ALX4: variants seen among roughly 807,000 people sequenced by gnomAD.
The protein encoded by ALX4 is ALX homeobox 4, also known as homeobox protein aristaless-like 4.
In ALX4, 22 loss-of-function variants were observed where a neutral mutation model predicts 40.6. That is an observed-to-expected ratio of 0.54 (90% CI 0.39 to 0.77). The LOEUF is 0.77. ALX4 is among the 30% of genes least tolerant of loss of function. The probability of loss-of-function intolerance (pLI) is 0.00; values close to 1 mark genes in which losing one functional copy is unlikely to be tolerated. For missense variants in ALX4, 556 were observed against 564.8 expected (o/e 0.98, Z 0.16); for synonymous variants, 266 against 240.5 (o/e 1.11, Z -0.98).
At chr11:44,286,982 G>A (rs755391327) in intron 1 of ALX4, among the ~76,000 whole-genome samples, 1 of 152,190 alleles carries the variant, frequency 6.6e-6, no homozygotes, top group Non-Finnish European at 1.5e-5. Flanking sequence ...TCAGGAAACT[G>A]ACTAACTTGC....
chr11:44,265,919 G>A (rs1956211127), intron 3 of ALX4, among the ~76,000 whole-genome samples: 1 of 152,172 alleles, frequency 6.6e-6, no homozygotes, highest in African/African-American at 2.4e-5. Flanking sequence ...TTCACCTGGG[G>A]CTCCCATCTT....
At chr11:44,273,429 C>T (rs1157216436) in intron 2 of ALX4, among the ~76,000 whole-genome samples, 1 of 152,096 alleles carries the variant, frequency 6.6e-6, no homozygotes, top group African/African-American at 2.4e-5. Flanking sequence ...TCTTTCTGAT[C>T]CTTTCTTTGC....
chr11:44,282,573 C>T (rs1050477069), intron 1 of ALX4, among the ~76,000 whole-genome samples: 5 of 152,182 alleles, frequency 3.3e-5, no homozygotes, highest in African/African-American at 1.2e-4. Context: ...TGGAGACACC[C>T]CCAAGTGTCC....
At chr11:44,284,117 A>C (rs2119832436) in intron 1 of ALX4, among the ~76,000 whole-genome samples, 1 of 152,296 alleles carries the variant, frequency 6.6e-6, no homozygotes, top group South Asian at 2.1e-4. Context: ...ATTTTGATCA[A>C]AAAGAGGAAG....
chr11:44,283,469 AC>A (rs1956321422), intron 1 of ALX4, among the ~76,000 whole-genome samples: 1 of 152,208 alleles, frequency 6.6e-6, no homozygotes, highest in East Asian at 1.9e-4. Context: ...ATGTAGGAAA[AC>A]CGACAGTAAT....
intron 1 of ALX4, among the ~76,000 whole-genome samples, chr11:44,302,522 G>A (rs528950397): frequency 2.6e-4 from 40 of 152,354 alleles, no homozygotes; most frequent in Non-Finnish European, 5.3e-4. Context: ...CCGTAACACA[G>A]GAGGCAGGGA....
In ALX4 at chr11:44,264,571, C is replaced by G. The variant is rs1956201454; in HGVS notation, c.*283G>C. 2 of 549,754 alleles carry G rather than the reference C, an allele frequency of 3.6e-6. No homozygotes were observed. The highest frequency in any genetic ancestry group is 1.9e-5 in the African/African-American group (1 of 53,138). The allele number at this position is 549,754 out of a possible 1,614,324, so 34.1% of individuals were successfully genotyped here. On this transcript the variant is annotated 3_prime_UTR_variant, in exon 4 of 4. Coordinates refer to ENST00000652299, the MANE Select transcript of ALX4 (RefSeq NM_021926.4). ...GAGCAAGAAAGCGCTTTCAGCTTAT[C>G]ATGGATGCGAAGCTGAAAAACGTGG...
chr11:44,265,845 G>A (rs1407335907), intron 3 of ALX4, among the ~76,000 whole-genome samples: 5 of 152,320 alleles, frequency 3.3e-5, no homozygotes, highest in South Asian at 2.1e-4. Context: ...GAGGGCATGT[G>A]CAGGGATGAG....
chr11:44,274,452 T>G (rs7927029), intron 2 of ALX4, among the ~76,000 whole-genome samples: 82,504 of 150,746 alleles, frequency 0.55, 22,981 homozygotes, highest in Admixed American at 0.62. Context: ...TGAGTTCTAT[T>G]CGGTTGCACT....
rs1438611315 is a variant in ALX4 at position 44,275,671 on chromosome 11, G to A, written c.467-13C>T. On this transcript the variant is annotated splice_polypyrimidine_tract_variant and intron_variant, in intron 1 of 3. Coordinates refer to ENST00000652299, the MANE Select transcript of ALX4 (RefSeq NM_021926.4). ...GAGCTCTCTTTAGCTGAGGGAGGAG[G>A]AAACAAAGTCAGAAACCAATGGTTG... 6.2e-7 allele frequency: 1 copy of A among 1,610,778 alleles called. No individual in the cohort carries two copies. Among genetic ancestry groups the A allele is most frequent in the Non-Finnish European group, 8.5e-7 (1 of 1,178,050 alleles).
At chr11:44,292,859 G>A (rs144672881) in intron 1 of ALX4, among the ~76,000 whole-genome samples, 3,202 of 152,186 alleles carry the variant, frequency 0.021, 112 homozygotes, top group African/African-American at 0.074. Context: ...ACTTTGGGAA[G>A]CCAACGTGGG....
chr11:44,281,223 G>A (rs1956308222), intron 1 of ALX4, among the ~76,000 whole-genome samples: 1 of 152,012 alleles, frequency 6.6e-6, no homozygotes, highest in African/African-American at 2.4e-5. Context: ...GAGGGCCTGT[G>A]GCACAAGTCT....
chr11:44,280,845 C>T lies in ALX4; in HGVS notation c.467-5187G>A, dbSNP rs553111419. On this transcript the variant is annotated intron_variant, in intron 1 of 3. Transcript: ENST00000652299. Reference sequence around the variant, plus strand: ...TTCAGTTCAAGGTTGTATTCTCAATCGGGAGCCACTGAGCCCTTCAACCTC... The same window carrying T: ...TTCAGTTCAAGGTTGTATTCTCAATTGGGAGCCACTGAGCCCTTCAACCTC... Among the ~76,000 whole-genome samples, 22 of 152,312 alleles carry T rather than the reference C, an allele frequency of 1.4e-4. 1 individual carries two copies. In the South Asian group the frequency reaches 3.5e-3, roughly 24 times the overall value.
At chr11:44,300,690 G>A (rs1467222662) in intron 1 of ALX4, among the ~76,000 whole-genome samples, 1 of 152,192 alleles carries the variant, frequency 6.6e-6, no homozygotes, top group Non-Finnish European at 1.5e-5. Flanking sequence ...GGGCCAAAGT[G>A]CCATTCAACA....
intron 2 of ALX4, among the ~76,000 whole-genome samples, chr11:44,268,525 C>T (rs1229356876): frequency 6.6e-6 from 1 of 152,124 alleles, no homozygotes; most frequent in Non-Finnish European, 1.5e-5. Flanking sequence ...ATTGGGAGCC[C>T]AACGGGGGAG....
intron 1 of ALX4, among the ~76,000 whole-genome samples, chr11:44,305,583 A>C (rs749670660): frequency 5.3e-5 from 8 of 152,168 alleles, no homozygotes; most frequent in Non-Finnish European, 1.0e-4. Context: ...CAGTTCTCTA[A>C]CTAAATTCAA....
At chr11:44,300,615 C>T (rs1260459942) in intron 1 of ALX4, among the ~76,000 whole-genome samples, 1 of 152,136 alleles carries the variant, frequency 6.6e-6, no homozygotes, top group Non-Finnish European at 1.5e-5. Context: ...GCAGGATGTA[C>T]GGGGCAGACA....
intron 1 of ALX4, among the ~76,000 whole-genome samples, chr11:44,282,692 C>T (rs1163361784): frequency 2.0e-5 from 3 of 152,158 alleles, no homozygotes; most frequent in Non-Finnish European, 4.4e-5. Context: ...TGAAAGGTGG[C>T]CTTAGGGTCT....
intron 1 of ALX4, among the ~76,000 whole-genome samples, chr11:44,303,594 G>A (rs1217997540): frequency 6.6e-6 from 1 of 152,176 alleles, no homozygotes; most frequent in African/African-American, 2.4e-5. Flanking sequence ...TTGCCTCTGC[G>A]TGGCTCTTCC....
Sources: gnomAD v4.1 joint callset for allele counts (sites outside exome capture counted in the v4.1 genomes callset) on GRCh38, gnomAD v4.1.1 for gene constraint, MANE v1.5 for transcripts, NCBI Gene and HGNC (gene_info 2026-07-23, HGNC 2026-07-21) for gene names.